The following SNX4 variants were observed in gnomAD, a reference collection of about 807,000 sequenced individuals.
The protein encoded by SNX4 is sorting nexin 4.
A neutral mutation model predicts 70.8 loss-of-function variants in SNX4; 49 were observed. The ratio of observed to expected loss-of-function variants is 0.69; its 90% CI spans 0.55 to 0.88. The LOEUF (loss-of-function observed/expected upper bound fraction) is 0.88, where lower values mean the gene tolerates loss of function less well. Among genes scored for constraint, SNX4 ranks in the 40% least tolerant of loss-of-function variants. SNX4 has a pLI of 0.00. For synonymous variants in SNX4, 206 were observed against 183.8 expected (o/e 1.12, Z -0.98); for missense variants, 528 against 544.8 (o/e 0.97, Z 0.31).
intron 9 of SNX4, among the ~76,000 whole-genome samples, chr3:125,461,149 C>G (rs944505908): frequency 3.3e-5 from 5 of 152,102 alleles, no homozygotes; most frequent in African/African-American, 1.2e-4. Context: ...TCTCTTGAAC[C>G]CGGGAGGAGG....
At chr3:125,477,010 G>A (rs1209043677) in intron 7 of SNX4, among the ~76,000 whole-genome samples, 1 of 152,130 alleles carries the variant, frequency 6.6e-6, no homozygotes, top group Non-Finnish European at 1.5e-5. Flanking sequence ...TACAGCAAGA[G>A]TGGTAATATG....
chr3:125,473,393 C>A (rs1455271985), intron 8 of SNX4, among the ~76,000 whole-genome samples: 1 of 152,024 alleles, frequency 6.6e-6, no homozygotes, highest in Non-Finnish European at 1.5e-5. Flanking sequence ...CCATTTTCCC[C>A]CTTCTCATCT....
intron 1 of SNX4, among the ~76,000 whole-genome samples, chr3:125,518,847 TA>T (rs749467352): frequency 3.3e-3 from 445 of 134,330 alleles, no homozygotes; most frequent in Non-Finnish European, 3.0e-3. Context: ...TACTAAAAAC[TA>T]AAAAAAAAAA....
At chr3:125,512,561 T>C (rs896022343) in intron 1 of SNX4, among the ~76,000 whole-genome samples, 2 of 152,160 alleles carry the variant, frequency 1.3e-5, no homozygotes, top group African/African-American at 4.8e-5. Context: ...ACACCATAAT[T>C]GTTAAAAGGA....
At chr3:125,467,539 T>C (rs751547336) in intron 9 of SNX4, among the ~76,000 whole-genome samples, 5 of 152,282 alleles carry the variant, frequency 3.3e-5, no homozygotes, top group Admixed American at 6.5e-5. Context: ...CACAATGAGA[T>C]ACCATCTCAC....
At chr3:125,472,087 C>A (rs1478508909) in intron 8 of SNX4, among the ~76,000 whole-genome samples, 1 of 152,150 alleles carries the variant, frequency 6.6e-6, no homozygotes, top group African/African-American at 2.4e-5. Context: ...TCATGTCAGT[C>A]CTTTTCTAGT....
chr3:125,452,743 G>A (rs1176408254), intron 12 of SNX4, among the ~76,000 whole-genome samples: 2 of 151,928 alleles, frequency 1.3e-5, no homozygotes, highest in East Asian at 1.9e-4. Flanking sequence ...TCAGCCTCCC[G>A]AGTAGCTGGG....
chr3:125,470,222 C>T (rs78903464), intron 8 of SNX4, among the ~76,000 whole-genome samples: 7,313 of 152,066 alleles, frequency 0.048, 415 homozygotes, highest in African/African-American at 0.13. Flanking sequence ...TTTAAAGTGG[C>T]TGAGATCATA....
At position 125,449,418 on chromosome 3, in the gene SNX4, C is replaced by CA. The variant is rs1212260769; in HGVS notation, c.1306-1593dup. 2.5e-3 allele frequency among the ~76,000 whole-genome samples: 251 copies of CA among 101,696 alleles called. 2 individuals carry two copies. The highest frequency in any genetic ancestry group is 7.9e-3 in the East Asian group (29 of 3,648). The allele number at this position is 101,696 out of a possible 152,430, so 66.7% of individuals were successfully genotyped here. On this transcript the variant is annotated intron_variant, in intron 13 of 13. Coordinates refer to ENST00000251775, the MANE Select transcript of SNX4 (RefSeq NM_003794.4). The stretch of plus-strand genomic sequence containing the variant: ...TGGGTGACAGGGTGAGACTCTGTCT[C>CA]AAAAAAAAAAAAAAGAAAGAAAGAA...
intron 2 of SNX4, among the ~76,000 whole-genome samples, chr3:125,503,199 G>A (rs1934970234): frequency 6.6e-6 from 1 of 152,106 alleles, no homozygotes; most frequent in Admixed American, 6.6e-5. Flanking sequence ...GAGCCACCAC[G>A]CCCAGCTAGG....
intron 7 of SNX4, 112 bp downstream of exon 7, chr3:125,480,135 T>C (rs1934378212): frequency 5.3e-6 from 3 of 561,256 alleles, no homozygotes; most frequent in Non-Finnish European, 9.0e-6. Flanking sequence ...TAAATTCAAA[T>C]GCAAAAATCA....
At chr3:125,500,093 C>T (rs1934892816) in intron 2 of SNX4, among the ~76,000 whole-genome samples, 1 of 151,526 alleles carries the variant, frequency 6.6e-6, no homozygotes, top group South Asian at 2.1e-4. Flanking sequence ...AAAAAAAAAC[C>T]CAAAAAGGCA....
chr3:125,460,700 A>G (rs1933855518), intron 10 of SNX4, 71 bp downstream of exon 10: 4 of 659,514 alleles, frequency 6.1e-6, no homozygotes, highest in Admixed American at 2.9e-5. Flanking sequence ...TACTATCTGT[A>G]CTTTACAGTG....
At chr3:125,514,204 A>G (rs1935225783) in intron 1 of SNX4, among the ~76,000 whole-genome samples, 1 of 152,106 alleles carries the variant, frequency 6.6e-6, no homozygotes. Flanking sequence ...ACTAAGAAAA[A>G]TAGGGTTATA....
rs886206229 is a variant in SNX4, at chr3:125,489,326, A to G, written c.653+82T>C. On this transcript the variant is annotated intron_variant, in intron 6 of 13. Transcript: ENST00000251775. ...GTAAACTATTTAGCAAATAAAGTGC[A>G]TACATTCAGAAATGAAAAATTAAAT... The G allele has an allele frequency of 3.9e-6, 4 of 1,023,324 alleles. No homozygotes were observed. The African/African-American group carries it at 4.8e-5, about 12-fold the overall frequency. The allele number at this position is 1,023,324 out of a possible 1,614,324, so 63.4% of individuals were successfully genotyped here.
chr3:125,469,158 TTGA>T (rs2107536405), intron 9 of SNX4, among the ~76,000 whole-genome samples: 1 of 152,340 alleles, frequency 6.6e-6, no homozygotes, highest in South Asian at 2.1e-4. Flanking sequence ...TTATTCCTAG[TTGA>T]TGAGACTTTT....
chr3:125,473,015 T>TG (rs1934212943), intron 8 of SNX4, among the ~76,000 whole-genome samples: 1 of 151,162 alleles, frequency 6.6e-6, no homozygotes, highest in Non-Finnish European at 1.5e-5. Flanking sequence ...CAGGCACTTT[T>TG]GAAAAAAAAA....
chr3:125,489,431 T>C lies in SNX4; in HGVS notation c.630A>G (p.Thr210=), dbSNP rs142205787. The stretch of plus-strand genomic sequence containing the variant: ...ACTTGTCTGGGTTTTTCACTCTGAA[T>C]GTTGCATTAAGCGCTTTTAACCTGG... The part of the protein sequence containing the change: ...ADSRLKALNA[T]FRVKNPDKRF... The change falls in exon 6 of 14, where the codon ACA becomes ACG. Residue 210 remains threonine (T), a synonymous_variant. Coordinates refer to ENST00000251775, the MANE Select transcript of SNX4 (RefSeq NM_003794.4). 1,364 of 1,613,594 alleles carry C rather than the reference T, an allele frequency of 8.5e-4. 3 individuals carry two copies. The highest frequency in any genetic ancestry group is 7.7e-4 in the Non-Finnish European group (906 of 1,179,674).
At chr3:125,513,212 C>T (rs984217039) in intron 1 of SNX4, among the ~76,000 whole-genome samples, 5 of 152,152 alleles carry the variant, frequency 3.3e-5, no homozygotes, top group African/African-American at 1.2e-4. Flanking sequence ...GAGAGTTCCT[C>T]TCCTCCTTCC....
Sources: allele counts gnomAD v4.1 joint callset (sites outside exome capture counted in the v4.1 genomes callset), GRCh38; gene constraint gnomAD v4.1.1; transcripts MANE v1.5; gene names NCBI Gene and HGNC (gene_info 2026-07-23, HGNC 2026-07-21).